CCZ1B: variants seen among roughly 807,000 people sequenced by gnomAD.
The protein encoded by CCZ1B is CCZ1B vacuolar protein trafficking and biogenesis associated, also known as vacuolar fusion protein CCZ1 homolog B.
CCZ1B carries 25 observed loss-of-function variants against 58.8 expected under a neutral mutation model. The observed-to-expected ratio is 0.43, with a 90% CI of 0.31 to 0.59. The LOEUF is 0.59. Among genes scored for constraint, CCZ1B ranks in the 20% least tolerant of loss-of-function variants. The pLI is 0.12. For synonymous variants in CCZ1B, 66 were observed against 173.2 expected (o/e 0.38, Z 4.86); for missense variants, 180 against 501.5 (o/e 0.36, Z 6.12).
intron 7 of CCZ1B, among the ~76,000 whole-genome samples, chr7:6,818,642 A>AC (rs1562431307): frequency 6.2e-5 from 9 of 144,534 alleles, no homozygotes; most frequent in South Asian, 2.3e-4. Context: ...GACAAGAAAG[A>AC]AAGAAAGACA....
intron 7 of CCZ1B, among the ~76,000 whole-genome samples, chr7:6,818,298 C>G (rs558222289): frequency 2.0e-5 from 3 of 149,746 alleles, no homozygotes; most frequent in African/African-American, 7.5e-5. Context: ...CCTGTAATCG[C>G]GGCACTTTGG....
chr7:6,822,929 T>C (rs2952936), intron 5 of CCZ1B, among the ~76,000 whole-genome samples: 72,585 of 141,844 alleles, frequency 0.51, 19,838 homozygotes, highest in South Asian at 0.8. Flanking sequence ...TGGTCCTGAA[T>C]TCCTGGGCTC....
At chr7:6,823,280 G>GGACTCTGAGTTGA (rs1174263831) in intron 5 of CCZ1B, 33 bp downstream of exon 5, 1 of 1,604,202 alleles carries the variant, frequency 6.2e-7, no homozygotes, top group East Asian at 2.2e-5. Flanking sequence ...GTAAGTGGTT[G>GGACTCTGAGTTGA]GACTCTGAGT....
intron 9 of CCZ1B, 95 bp downstream of exon 9, chr7:6,812,881 C>G: frequency 1.9e-6 from 3 of 1,545,718 alleles, no homozygotes; most frequent in Non-Finnish European, 2.6e-6. Flanking sequence ...GAGCGGAGAT[C>G]TTGCCACTGC....
chr7:6,818,551 G>A (rs1356811151), intron 7 of CCZ1B, among the ~76,000 whole-genome samples: 1 of 141,918 alleles, frequency 7.0e-6, no homozygotes, highest in Non-Finnish European at 1.5e-5. Flanking sequence ...CCGTTAGAAA[G>A]AAAGAAAGAA....
intron 10 of CCZ1B, among the ~76,000 whole-genome samples, chr7:6,809,674 T>G (rs1434863795): frequency 1.6e-5 from 2 of 123,704 alleles, no homozygotes; most frequent in Admixed American, 1.7e-4. Flanking sequence ...GCCTGCAATC[T>G]CCCCTTCCCT....
At chr7:6,800,292 G>A (rs1396583201) in intron 14 of CCZ1B, among the ~76,000 whole-genome samples, 2 of 141,192 alleles carry the variant, frequency 1.4e-5, no homozygotes, top group African/African-American at 5.4e-5. Flanking sequence ...TGTACAGAGG[G>A]ATACTTGTAA....
At chr7:6,821,864 TA>T (rs1248433833) in intron 6 of CCZ1B, among the ~76,000 whole-genome samples, 4 of 150,146 alleles carry the variant, frequency 2.7e-5, no homozygotes, top group African/African-American at 1.0e-4. Context: ...AACTCTTACC[TA>T]CATCAAGACA....
Position 6,816,916 on chromosome 7 carries a change from G to A in CCZ1B, c.699-2071C>T, listed in dbSNP as rs540581683. 5.0e-4 allele frequency among the ~76,000 whole-genome samples: 75 copies of A among 149,280 alleles called. 2 individuals carry two copies. Among genetic ancestry groups the A allele is most frequent in the African/African-American group, 1.8e-3 (70 of 39,458 alleles). On this transcript the variant is annotated intron_variant, in intron 7 of 14. Coordinates refer to ENST00000316731, the MANE Select transcript of CCZ1B (RefSeq NM_198097.5). ...TGGGACTCTAAGTGCACACCACAATGCCCAGCTAATTTTTTTTTTGCATTT... is the reference window on the plus strand; with the variant it reads ...TGGGACTCTAAGTGCACACCACAATACCCAGCTAATTTTTTTTTTGCATTT...
intron 7 of CCZ1B, among the ~76,000 whole-genome samples, chr7:6,818,649 GACA>G (rs1783053060): frequency 7.2e-6 from 1 of 138,804 alleles, no homozygotes; most frequent in Non-Finnish European, 1.5e-5. Context: ...AAGAAAGAAA[GACA>G]GAAAGAAAGA....
At chr7:6,817,044 G>GTT (rs773538592) in intron 7 of CCZ1B, among the ~76,000 whole-genome samples, 10 of 152,304 alleles carry the variant, frequency 6.6e-5, no homozygotes, top group Non-Finnish European at 4.4e-5. Flanking sequence ...GATGACAGGT[G>GTT]TAAGCGTTGG....
At chr7:6,815,917 G>A (rs1562430321) in intron 7 of CCZ1B, among the ~76,000 whole-genome samples, 1 of 145,662 alleles carries the variant, frequency 6.9e-6, no homozygotes, top group Non-Finnish European at 1.5e-5. Flanking sequence ...AGTCCCCTGG[G>A]AAAATATGGG....
intron 7 of CCZ1B, among the ~76,000 whole-genome samples, chr7:6,815,602 A>T (rs1267778240): frequency 4.0e-5 from 6 of 149,142 alleles, no homozygotes; most frequent in Admixed American, 2.0e-4. Context: ...TAGCTGGGAC[A>T]ACTGGTGCTT....
chr7:6,806,537 G>GT (rs1462812775), intron 10 of CCZ1B: 1 of 46,726 alleles, frequency 2.1e-5, no homozygotes, highest in Non-Finnish European at 3.6e-5. Flanking sequence ...ATTATAGCAA[G>GT]TAATTACAGT....
Position 6,822,139 on chromosome 7 carries a change from T to C in CCZ1B, c.522+142A>G, listed in dbSNP as rs1783121740. Reference sequence around the variant, plus strand: ...CTCATGCGTTTCCTCGCTGCTCCAGTTTTGCGACGGTCTGTCTCAGGCTCT... The same window carrying C: ...CTCATGCGTTTCCTCGCTGCTCCAGCTTTGCGACGGTCTGTCTCAGGCTCT... On this transcript the variant is annotated intron_variant, in intron 6 of 14. Coordinates refer to ENST00000316731, the MANE Select transcript of CCZ1B (RefSeq NM_198097.5). 4 of 1,258,632 alleles carry C rather than the reference T, an allele frequency of 3.2e-6. No individual in the cohort carries two copies. In the South Asian group the frequency reaches 6.1e-5, roughly 19 times the overall value. 78.0% of individuals were successfully genotyped at this position (1,258,632 alleles called of 1,614,324 possible). A position where few individuals can be genotyped will look rare whatever the true frequency, so the allele number is the denominator to read the frequency against.
chr7:6,814,454 T>C lies in CCZ1B; in HGVS notation c.780+310A>G, dbSNP rs573677486. On this transcript the variant is annotated intron_variant, in intron 8 of 14. Transcript: ENST00000316731. Reference sequence around the variant, plus strand: ...GGGAGGCCGAGGCAAGGAGAATTGCTTGAACCTCTCCATCCCAGGTGAAAG... The same window carrying C: ...GGGAGGCCGAGGCAAGGAGAATTGCCTGAACCTCTCCATCCCAGGTGAAAG... Among the ~76,000 whole-genome samples, 33 of 149,886 alleles carry C rather than the reference T, an allele frequency of 2.2e-4. No individual in the cohort carries two copies. In the East Asian group the frequency reaches 6.0e-3, roughly 27 times the overall value.
chr7:6,824,130 C>A lies in CCZ1B; in HGVS notation c.349G>T (p.Asp117Tyr). 6.7e-7 allele frequency: 1 copy of A among 1,494,916 alleles called. No homozygotes were observed. The highest frequency in any genetic ancestry group is 9.0e-7 in the Non-Finnish European group (1 of 1,111,096). The allele number at this position is 1,494,916 out of a possible 1,614,324, so 92.6% of individuals were successfully genotyped here. Residue 117 changes from aspartate to tyrosine, a missense_variant, in exon 4 of 15, where the codon GAT becomes TAT. Transcript: ENST00000316731. Reference protein sequence around the residue: ...RNPIIEKQSKDGKPVIEYQEE... With the variant: ...RNPIIEKQSKYGKPVIEYQEE... ...TGATATTCAATAACTGGTTTTCCAT[C>A]TTTACTCTGTTTTTCAATTATAGGA...
intron 4 of CCZ1B, among the ~76,000 whole-genome samples, chr7:6,823,688 T>G (rs968280546): frequency 2.0e-5 from 3 of 152,138 alleles, no homozygotes; most frequent in African/African-American, 7.2e-5. Context: ...CTGGCCAGTT[T>G]TTGTAGTTTT....
At position 6,818,663 on chromosome 7, in the gene CCZ1B, C is replaced by CAGAA. The variant is rs1562431380; in HGVS notation, c.698+1102_698+1103insTTCT. ...AAAGAAAGAAAGACAGAAAGAAAGA[C>CAGAA]AGACAGAAAGAAAGAAAGAAAGAAA... On this transcript the variant is annotated intron_variant, in intron 7 of 14. Transcript: ENST00000316731. 9.1e-5 allele frequency among the ~76,000 whole-genome samples: 7 copies of CAGAA among 76,692 alleles called. No homozygotes were observed. The East Asian group carries it at 1.6e-3, about 17-fold the overall frequency. The allele number at this position is 76,692 out of a possible 152,430, so 50.3% of individuals were successfully genotyped here. A position where few individuals can be genotyped will look rare whatever the true frequency, so the allele number is the denominator to read the frequency against.
Sources: allele counts gnomAD v4.1 joint callset (sites outside exome capture counted in the v4.1 genomes callset), GRCh38; gene constraint gnomAD v4.1.1; transcripts MANE v1.5; gene names NCBI Gene and HGNC (gene_info 2026-07-23, HGNC 2026-07-21).